Variants in GRIA4 observed in about 807,000 individuals in gnomAD.
GRIA4 encodes the protein glutamate ionotropic receptor AMPA type subunit 4.
GRIA4 carries 34 observed loss-of-function variants against 104.0 expected under a neutral mutation model. The ratio of observed to expected loss-of-function variants is 0.33; its 90% CI spans 0.25 to 0.44. The LOEUF is 0.44. GRIA4 is among the 20% of genes least tolerant of loss of function. The pLI is 1.00. For synonymous variants in GRIA4, 386 were observed against 381.9 expected, an observed-to-expected ratio of 1.01 and a Z score of -0.13; for missense variants, 750 against 1,096.5, an observed-to-expected ratio of 0.68 and a Z score of 4.46.
chr11:105,850,206 T>G (rs1421121891), intron 4 of GRIA4, among the ~76,000 whole-genome samples: 2 of 152,236 alleles, frequency 1.3e-5, no homozygotes. Flanking sequence ...TAATACAAAC[T>G]TGGTTCCAAT....
chr11:105,821,891 G>C (rs1388402910), intron 4 of GRIA4, among the ~76,000 whole-genome samples: 1 of 152,104 alleles, frequency 6.6e-6, no homozygotes, highest in Non-Finnish European at 1.5e-5. Context: ...GCCGAGTCAG[G>C]CTGATCTCAC....
chr11:105,655,952 G>C (rs964191316), intron 3 of GRIA4, among the ~76,000 whole-genome samples: 2 of 152,118 alleles, frequency 1.3e-5, no homozygotes, highest in South Asian at 4.1e-4. Context: ...CCCATCAACA[G>C]TGTAAAAGCA....
At chr11:105,709,386 T>C (rs685374) in intron 3 of GRIA4, among the ~76,000 whole-genome samples, 104,836 of 152,048 alleles carry the variant, frequency 0.69, 36,519 homozygotes, top group African/African-American at 0.79. Flanking sequence ...ATTAGGTAAA[T>C]ATCACAGTCA....
rs1448805254 is a variant in GRIA4, at chr11:105,980,664, G to GT, written c.*930dup. On this transcript the variant is annotated 3_prime_UTR_variant, in exon 17 of 17. Coordinates refer to ENST00000282499, the MANE Select transcript of GRIA4 (RefSeq NM_000829.4). ...ATCTCATTCTGTGTACAACATTGTG[G>GT]TTTTTGTACCCACCAAAAAGAATAA... 2 of 152,644 alleles carry GT rather than the reference G, an allele frequency of 1.3e-5. No individual in the cohort carries two copies. Among genetic ancestry groups the GT allele is most frequent in the Admixed American group, 6.5e-5 (1 of 15,294 alleles). 9.5% of individuals were successfully genotyped at this position (152,644 alleles called of 1,614,324 possible). A position where few individuals can be genotyped will look rare whatever the true frequency, so the allele number is the denominator to read the frequency against.
intron 3 of GRIA4, among the ~76,000 whole-genome samples, chr11:105,688,958 A>T (rs1164754546): frequency 1.3e-5 from 2 of 152,206 alleles, no homozygotes; most frequent in African/African-American, 4.8e-5. Flanking sequence ...CACCTAAAAA[A>T]AAATGGCTTA....
At chr11:105,741,585 G>A (rs1591176761) in intron 3 of GRIA4, among the ~76,000 whole-genome samples, 1 of 152,096 alleles carries the variant, frequency 6.6e-6, no homozygotes, top group Non-Finnish European at 1.5e-5. Context: ...GCCAAGAGAG[G>A]AGTGTGTTCC....
intron 3 of GRIA4, among the ~76,000 whole-genome samples, chr11:105,618,500 G>A (rs1171036220): frequency 6.6e-6 from 1 of 151,950 alleles, no homozygotes; most frequent in Non-Finnish European, 1.5e-5. Context: ...GAGGGTGCAG[G>A]GGAAGTGTGG....
intron 3 of GRIA4, among the ~76,000 whole-genome samples, chr11:105,694,372 C>T (rs945068540): frequency 2.5e-4 from 38 of 152,042 alleles, no homozygotes; most frequent in African/African-American, 8.7e-4. Flanking sequence ...TGGTCTTGAT[C>T]TCTTGACCTC....
At chr11:105,800,116 T>G (rs1942657047) in intron 4 of GRIA4, among the ~76,000 whole-genome samples, 1 of 152,048 alleles carries the variant, frequency 6.6e-6, no homozygotes, top group African/African-American at 2.4e-5. Context: ...TCCAATAGAT[T>G]AATGGTTCTA....
intron 3 of GRIA4, among the ~76,000 whole-genome samples, chr11:105,640,774 T>A (rs764575188): frequency 4.6e-5 from 7 of 152,042 alleles, no homozygotes; most frequent in Non-Finnish European, 8.8e-5. Context: ...GACATCCTTT[T>A]CATCACATTG....
At chr11:105,782,268 C>G (rs1366477439) in intron 4 of GRIA4, among the ~76,000 whole-genome samples, 1 of 152,120 alleles carries the variant, frequency 6.6e-6, no homozygotes, top group Non-Finnish European at 1.5e-5. Context: ...ATGAATAATT[C>G]TGAGTAATGT....
At chr11:105,760,353 G>T (rs1490547562) in intron 4 of GRIA4, among the ~76,000 whole-genome samples, 1 of 151,922 alleles carries the variant, frequency 6.6e-6, no homozygotes, top group Non-Finnish European at 1.5e-5. Context: ...CTTGTTCTAG[G>T]ACTCCACTCT....
intron 13 of GRIA4, among the ~76,000 whole-genome samples, chr11:105,933,313 G>A (rs1279260571): frequency 6.6e-6 from 1 of 151,896 alleles, no homozygotes; most frequent in Non-Finnish European, 1.5e-5. Context: ...AGTATTAAAA[G>A]GAATTTTACA....
At chr11:105,956,569 C>T (rs575081996) in intron 14 of GRIA4, among the ~76,000 whole-genome samples, 9 of 152,296 alleles carry the variant, frequency 5.9e-5, no homozygotes, top group Non-Finnish European at 1.0e-4. Context: ...AATAAACATA[C>T]ATGTGCATGT....
intron 4 of GRIA4, among the ~76,000 whole-genome samples, chr11:105,760,334 A>G (rs969373165): frequency 2.0e-5 from 3 of 152,018 alleles, no homozygotes; most frequent in Admixed American, 6.6e-5. Context: ...CATTCTAACT[A>G]CTGCTGCCCT....
At chr11:105,824,338 T>C (rs1424918508) in intron 4 of GRIA4, among the ~76,000 whole-genome samples, 2 of 152,094 alleles carry the variant, frequency 1.3e-5, no homozygotes, top group Middle Eastern at 3.2e-3. Context: ...TTCTTTATTC[T>C]CAAATAGCAT....
chr11:105,803,049 T>C (rs745952323), intron 4 of GRIA4, among the ~76,000 whole-genome samples: 25 of 152,032 alleles, frequency 1.6e-4, no homozygotes, highest in Non-Finnish European at 1.0e-4. Flanking sequence ...TCAAAAGAAA[T>C]GTGATCTACC....
At chr11:105,886,325 C>T (rs1277538209) in intron 5 of GRIA4, among the ~76,000 whole-genome samples, 5 of 152,082 alleles carry the variant, frequency 3.3e-5, no homozygotes, top group Non-Finnish European at 7.4e-5. Context: ...AGCATTTATC[C>T]TTTGTGTTAT....
intron 4 of GRIA4, among the ~76,000 whole-genome samples, chr11:105,813,496 T>G (rs78442630): frequency 0.049 from 7,391 of 152,218 alleles, 251 homozygotes; most frequent in Middle Eastern, 0.099. Flanking sequence ...CAATCAATAT[T>G]TTCCCGTGAA....
Sources: gnomAD v4.1 joint callset for allele counts (sites outside exome capture counted in the v4.1 genomes callset) on GRCh38, gnomAD v4.1.1 for gene constraint, MANE v1.5 for transcripts, NCBI Gene and HGNC (gene_info 2026-07-23, HGNC 2026-07-21) for gene names.